Variants in CDH18 observed in about 807,000 individuals in gnomAD.
CDH18 encodes cadherin 18.
CDH18 carries 31 observed loss-of-function variants against 67.9 expected under a neutral mutation model. The ratio of observed to expected loss-of-function variants is 0.46; its 90% CI spans 0.34 to 0.62. CDH18 has a LOEUF of 0.62. CDH18 is among the 20% of genes least tolerant of loss of function. The pLI, the probability that CDH18 is intolerant of heterozygous loss-of-function variation, is 0.01. For missense variants in CDH18, 890 were observed against 975.5 expected (o/e 0.91, Z 1.17); for synonymous variants, 362 against 347.2 (o/e 1.04, Z -0.48).
In CDH18 at chr5:20,135,555, T is replaced by C. The variant is rs111659080; in HGVS notation, c.-518+119889A>G. Among the ~76,000 whole-genome samples, 339 of 152,304 alleles carry C rather than the reference T, an allele frequency of 2.2e-3. 1 individual carries two copies. Among genetic ancestry groups the C allele is most frequent in the African/African-American group, 7.6e-3 (317 of 41,566 alleles). On this transcript the variant is annotated intron_variant, in intron 2 of 14. Transcript: ENST00000507958. ...TCCAAAAAACCAGCTCCTAGATTCA[T>C]TGATTTTTTGAAGAGTTTTTTGTGT...
intron 2 of CDH18, chr5:20,158,787 T>C (rs898082259): frequency 1.1e-5 from 2 of 177,182 alleles, no homozygotes; most frequent in East Asian, 1.7e-4. Context: ...GTGAATATAG[T>C]GTGAACCAGA....
chr5:20,441,315 G>C (rs1321026670), intron 1 of CDH18, among the ~76,000 whole-genome samples: 1 of 151,956 alleles, frequency 6.6e-6, no homozygotes, highest in East Asian at 1.9e-4. Context: ...CAGTTATGCT[G>C]CCTTAATAAT....
intron 2 of CDH18, among the ~76,000 whole-genome samples, chr5:19,918,380 T>C (rs958651512): frequency 6.6e-6 from 1 of 152,184 alleles, no homozygotes; most frequent in Non-Finnish European, 1.5e-5. Context: ...ATTTTATATA[T>C]AAGAAATTAT....
At chr5:19,514,216 G>T (rs1745569500) in intron 10 of CDH18, among the ~76,000 whole-genome samples, 1 of 152,118 alleles carries the variant, frequency 6.6e-6, no homozygotes, top group Admixed American at 6.6e-5. Context: ...TGGTGTATAT[G>T]TGCCACATTT....
intron 1 of CDH18, among the ~76,000 whole-genome samples, chr5:20,402,552 T>A (rs971383475): frequency 6.6e-6 from 1 of 152,246 alleles, no homozygotes; most frequent in African/African-American, 2.4e-5. Flanking sequence ...ATATTTTTTA[T>A]TGGTTTCCCA....
intron 5 of CDH18, among the ~76,000 whole-genome samples, chr5:19,697,137 G>A (rs1762634765): frequency 6.6e-6 from 1 of 152,126 alleles, no homozygotes; most frequent in Admixed American, 6.5e-5. Flanking sequence ...CTTGTATTAA[G>A]AAAAACAGAA....
intron 2 of CDH18, among the ~76,000 whole-genome samples, chr5:20,095,565 A>AAAGAAGG (rs1554089705): frequency 4.7e-4 from 5 of 10,568 alleles, no homozygotes; most frequent in African/African-American, 1.3e-3. Flanking sequence ...GAAAGAAAGG[A>AAAGAAGG]AAGAAAGGAA....
At position 19,812,424 on chromosome 5, in the gene CDH18, A is replaced by G. The variant is rs911047098; in HGVS notation, c.228+26335T>C. Among the ~76,000 whole-genome samples the G allele has an allele frequency of 9.2e-5, 14 of 152,176 alleles. 1 individual carries two copies. The highest frequency in any genetic ancestry group is 1.9e-4 in the Non-Finnish European group (13 of 68,028). ...GTAGAAAACAAAATATGTAACTGAAATTTGAACATTCTATGTCGTTGTTGG... is the reference window on the plus strand; with the variant it reads ...GTAGAAAACAAAATATGTAACTGAAGTTTGAACATTCTATGTCGTTGTTGG... On this transcript the variant is annotated intron_variant, in intron 3 of 12. Coordinates refer to ENST00000382275, the MANE Select transcript of CDH18 (RefSeq NM_004934.5).
At chr5:20,008,876 T>C (rs1192645478) in intron 2 of CDH18, among the ~76,000 whole-genome samples, 1 of 152,042 alleles carries the variant, frequency 6.6e-6, no homozygotes, top group Non-Finnish European at 1.5e-5. Flanking sequence ...CAGCGATACA[T>C]GAGAAGCAGA....
chr5:20,329,862 A>G (rs574781472), intron 1 of CDH18, among the ~76,000 whole-genome samples: 3 of 151,396 alleles, frequency 2.0e-5, no homozygotes, highest in Non-Finnish European at 2.9e-5. Flanking sequence ...ATGATATTTC[A>G]GAAAGATACA....
intron 5 of CDH18, among the ~76,000 whole-genome samples, chr5:19,695,350 T>C (rs759812591): frequency 1.3e-5 from 2 of 152,216 alleles, no homozygotes; most frequent in Non-Finnish European, 2.9e-5. Context: ...ATTTTTAAAA[T>C]ATCACTGCAG....
At chr5:19,826,877 T>C (rs1441933550) in intron 3 of CDH18, among the ~76,000 whole-genome samples, 1 of 152,084 alleles carries the variant, frequency 6.6e-6, no homozygotes, top group Non-Finnish European at 1.5e-5. Flanking sequence ...AACCTGCACA[T>C]ATCAATATTA....
At chr5:20,500,934 T>C (rs1391986290) in intron 1 of CDH18, among the ~76,000 whole-genome samples, 1 of 152,188 alleles carries the variant, frequency 6.6e-6, no homozygotes, top group African/African-American at 2.4e-5. Flanking sequence ...AAGTAGTTTA[T>C]AATTTTGTTT....
intron 2 of CDH18, among the ~76,000 whole-genome samples, chr5:20,137,412 T>G (rs550948100): frequency 6.6e-6 from 1 of 152,242 alleles, no homozygotes; most frequent in Non-Finnish European, 1.5e-5. Context: ...TTAGTTCTCA[T>G]GCCATGGTTT....
chr5:20,519,539 G>T (rs1276861519), intron 1 of CDH18, among the ~76,000 whole-genome samples: 1 of 151,986 alleles, frequency 6.6e-6, no homozygotes, highest in African/African-American at 2.4e-5. Context: ...GTTAATGGGT[G>T]CAGTACACGA....
At chr5:19,869,741 C>T (rs534146130) in intron 2 of CDH18, among the ~76,000 whole-genome samples, 52 of 152,134 alleles carry the variant, frequency 3.4e-4, no homozygotes, top group African/African-American at 1.2e-3. Context: ...GCTATATTTA[C>T]ATTATTGGGG....
At chr5:19,888,725 A>T (rs1438881050) in intron 2 of CDH18, among the ~76,000 whole-genome samples, 2 of 152,094 alleles carry the variant, frequency 1.3e-5, no homozygotes, top group Admixed American at 1.3e-4. Context: ...TTTCTTCTTC[A>T]TTAGATGTTA....
At chr5:19,780,086 T>G (rs148582504) in intron 3 of CDH18, among the ~76,000 whole-genome samples, 162 of 152,272 alleles carry the variant, frequency 1.1e-3, no homozygotes, top group African/African-American at 3.9e-3. Context: ...CATTAGAACC[T>G]TCTTAGAATA....
rs112622506 is a variant in CDH18, at chr5:20,432,734, G to A, written c.-580+142728C>T. Among the ~76,000 whole-genome samples the A allele has an allele frequency of 4.0e-4, 61 of 151,882 alleles. No homozygotes were observed. The East Asian group carries it at 0.011, about 27-fold the overall frequency. ...CCAGTCATATTGAATTACAGCCTGA[G>A]CTAACAATCCTATTTTAACTTAACT... On this transcript the variant is annotated intron_variant, in intron 1 of 14. Coordinates refer to the CDH18 transcript ENST00000507958.
Sources: allele counts gnomAD v4.1 joint callset (sites outside exome capture counted in the v4.1 genomes callset), GRCh38; gene constraint gnomAD v4.1.1; transcripts MANE v1.5; gene names NCBI Gene and HGNC (gene_info 2026-07-23, HGNC 2026-07-21).